TANK: variants seen among roughly 807,000 people sequenced by gnomAD.
TANK encodes the protein TRAF family member associated NFKB activator.
Under a neutral mutation model 43.6 loss-of-function variants are expected in TANK, and 15 were observed. That is an observed-to-expected ratio of 0.34 (90% confidence interval 0.23 to 0.53). The LOEUF is 0.53. Among genes scored for constraint, TANK ranks in the 20% least tolerant of loss-of-function variants. The probability of loss-of-function intolerance (pLI) is 0.94; values close to 1 mark genes in which losing one functional copy is unlikely to be tolerated. For missense variants in TANK, 417 were observed against 498.6 expected (o/e 0.84, Z 1.56); for synonymous variants, 162 against 178.2 (o/e 0.91, Z 0.73).
intron 6 of TANK, among the ~76,000 whole-genome samples, chr2:161,227,770 A>G (rs1295737985): frequency 6.6e-6 from 1 of 152,118 alleles, no homozygotes; most frequent in Non-Finnish European, 1.5e-5. Context: ...GGTTTTCCTG[A>G]TTTGTTATTT....
chr2:161,140,107 T>TA (rs769919355), intron 1 of TANK: 6 of 220,868 alleles, frequency 2.7e-5, no homozygotes, highest in Non-Finnish European at 4.6e-5. Context: ...GTTTCAGTTT[T>TA]AAAATGAGAC....
chr2:161,140,606 T>C, intron 1 of TANK, among the ~76,000 whole-genome samples: 1 of 152,134 alleles, frequency 6.6e-6, no homozygotes, highest in Non-Finnish European at 1.5e-5. Context: ...TAGACTATTT[T>C]AGTTTTCTAA....
intron 1 of TANK, 32 bp downstream of exon 1, chr2:161,160,518 C>A: frequency 1.6e-6 from 2 of 1,287,520 alleles, no homozygotes; most frequent in South Asian, 2.6e-5. Context: ...TTGGTGTGTC[C>A]GAATCCGTCA....
At chr2:161,139,648 T>G in intron 1 of TANK, 1 of 972,384 alleles carries the variant, frequency 1.0e-6, no homozygotes, top group Non-Finnish European at 1.2e-6. Context: ...CAACCAAACC[T>G]ACACGTTTCC....
Position 161,148,808 on chromosome 2 carries a change from T to A in TANK, c.-50+11745T>A, listed in dbSNP as rs1683991888. Among the ~76,000 whole-genome samples the A allele has an allele frequency of 2.6e-5, 4 of 152,190 alleles. No homozygotes were observed. The South Asian group carries it at 8.3e-4, about 31-fold the overall frequency. On this transcript the variant is annotated intron_variant, in intron 1 of 7. Transcript: ENST00000259075. ...CCATTAAATGGTCTTGGCACCCTTA[T>A]AAGTGTTTATTTTTGTACTCTCAGT...
intron 1 of TANK, among the ~76,000 whole-genome samples, chr2:161,142,563 A>T (rs895021746): frequency 2.0e-5 from 3 of 152,102 alleles, no homozygotes; most frequent in Non-Finnish European, 2.9e-5. Context: ...TCCCGACACC[A>T]TTTATTAAAT....
chr2:161,231,588 T>C, intron 7 of TANK, 37 bp downstream of exon 7: 1 of 1,573,352 alleles, frequency 6.4e-7, no homozygotes, highest in Non-Finnish European at 8.7e-7. Context: ...TTATTATGTG[T>C]GAACACACAT....
At chr2:161,148,784 C>T (rs1362247630) in intron 1 of TANK, among the ~76,000 whole-genome samples, 1 of 152,044 alleles carries the variant, frequency 6.6e-6, no homozygotes, top group African/African-American at 2.4e-5. Context: ...ATTTTTTCTC[C>T]ATTAAATGGT....
intron 2 of TANK, among the ~76,000 whole-genome samples, chr2:161,200,044 GT>G (rs1686333809): frequency 6.6e-6 from 1 of 152,238 alleles, no homozygotes. Context: ...GCCAGATGGT[GT>G]TTGATACAGA....
At chr2:161,204,575 AT>A in intron 3 of TANK, 99 bp from the exon 4 acceptor site, 1 of 1,069,918 alleles carries the variant, frequency 9.3e-7, no homozygotes, top group Non-Finnish European at 1.4e-6. Flanking sequence ...CTTAAAATGT[AT>A]TCTCTTTATG....
rs193240599 is a variant in TANK at position 161,178,031 on chromosome 2, A to T, written c.-49-1583A>T. Among the ~76,000 whole-genome samples the T allele has an allele frequency of 2.6e-5, 4 of 152,194 alleles. No homozygotes were observed. In the East Asian group the frequency reaches 5.8e-4, roughly 22 times the overall value. On this transcript the variant is annotated intron_variant, in intron 1 of 7. Transcript: ENST00000392749. Reference sequence around the variant, plus strand: ...TGGACTATAAGAAGTATTGGTGTGGATGTGGAGAAATTGGAACCCTTATAC... The same window carrying T: ...TGGACTATAAGAAGTATTGGTGTGGTTGTGGAGAAATTGGAACCCTTATAC...
chr2:161,216,351 C>T (rs1246620903), intron 4 of TANK: 19 of 460,352 alleles, frequency 4.1e-5, no homozygotes, highest in South Asian at 1.4e-4. Context: ...GCTAATTGAA[C>T]ATTCTCTCCT....
At chr2:161,209,933 G>A (rs1257880596) in intron 4 of TANK, among the ~76,000 whole-genome samples, 1 of 152,040 alleles carries the variant, frequency 6.6e-6, no homozygotes, top group East Asian at 1.9e-4. Flanking sequence ...CATGGTATGA[G>A]TTCACTAATT....
At chr2:161,189,497 A>G (rs1685816709) in intron 2 of TANK, among the ~76,000 whole-genome samples, 1 of 152,204 alleles carries the variant, frequency 6.6e-6, no homozygotes, top group Non-Finnish European at 1.5e-5. Context: ...AAATAAGTCA[A>G]GGATATACTT....
chr2:161,156,444 A>G (rs3754974), upstream of TANK: 32,694 of 858,964 alleles, frequency 0.038, 891 homozygotes, highest in East Asian at 0.19. Flanking sequence ...CTTTTTGCAT[A>G]GAAAATACAA....
intron 2 of TANK, among the ~76,000 whole-genome samples, chr2:161,201,907 T>A (rs1686430700): frequency 1.3e-5 from 2 of 152,222 alleles, no homozygotes; most frequent in Admixed American, 1.3e-4. Context: ...ACATGATTCA[T>A]TCTTCTGTTC....
intron 1 of TANK, among the ~76,000 whole-genome samples, chr2:161,148,402 G>GT (rs1683976709): frequency 6.6e-6 from 1 of 152,094 alleles, no homozygotes; most frequent in Non-Finnish European, 1.5e-5. Flanking sequence ...TGAGTCATGA[G>GT]TTTTTTATAT....
Position 161,231,366 on chromosome 2 carries a change from A to G in TANK, c.916A>G (p.Thr306Ala). The G allele has an allele frequency of 1.2e-6, 2 of 1,614,150 alleles. No homozygotes were observed. The highest frequency in any genetic ancestry group is 1.1e-5 in the South Asian group (1 of 91,082). Residue 306 changes from threonine to alanine, a missense_variant, in exon 7 of 8, where the codon ACT (threonine) becomes GCT (alanine). Physicochemically the swap from Thr to Ala is moderately conservative, Grantham distance 58. Coordinates refer to ENST00000392749, the MANE Select transcript of TANK (RefSeq NM_001199135.3). ...IASAIQNLKT[T>A]DKTKPSNLVN... ...TTCAGCTATACAAAACCTTAAAACA[A>G]CTGACAAAACAAAGCCCTCAAATCT...
At chr2:161,175,807 G>A (rs780809160) in intron 1 of TANK, among the ~76,000 whole-genome samples, 5 of 152,086 alleles carry the variant, frequency 3.3e-5, no homozygotes, top group Non-Finnish European at 7.4e-5. Flanking sequence ...CTGAACCACT[G>A]GTCTGGGTAG....
Sources: allele counts gnomAD v4.1 joint callset (sites outside exome capture counted in the v4.1 genomes callset), GRCh38; gene constraint gnomAD v4.1.1; transcripts MANE v1.5; gene names NCBI Gene and HGNC (gene_info 2026-07-23, HGNC 2026-07-21).